ASTN2: variants seen among roughly 807,000 people sequenced by gnomAD.
The protein encoded by ASTN2 is astrotactin 2.
Under a neutral mutation model 139.8 loss-of-function variants are expected in ASTN2, and 54 were observed. The ratio of observed to expected loss-of-function variants is 0.39; its 90% CI spans 0.31 to 0.48. The LOEUF is 0.48. ASTN2 is among the 20% of genes least tolerant of loss of function. The probability of loss-of-function intolerance (pLI) is 0.95; values close to 1 mark genes in which losing one functional copy is unlikely to be tolerated. For synonymous variants in ASTN2, 756 were observed against 719.5 expected, an observed-to-expected ratio of 1.05 and a Z score of -0.81; for missense variants, 1,565 against 1,725.1, an observed-to-expected ratio of 0.91 and a Z score of 1.64.
At position 117,154,709 on chromosome 9, in the gene ASTN2, A is replaced by G. The variant is rs574498837; in HGVS notation, c.1016-13231T>C. 3.0e-4 allele frequency among the ~76,000 whole-genome samples: 46 copies of G among 152,212 alleles called. No homozygotes were observed. In the South Asian group the frequency reaches 6.2e-3, roughly 21 times the overall value. ...AAATGGTTAAAACATGTGAAAAATT[A>G]TTTTATTATTATATACATCAAGGTC... On this transcript the variant is annotated intron_variant, in intron 3 of 22. Transcript: ENST00000313400.
intron 19 of ASTN2, among the ~76,000 whole-genome samples, chr9:116,533,880 T>C (rs1851484141): frequency 1.3e-5 from 2 of 152,210 alleles, no homozygotes; most frequent in South Asian, 4.1e-4. Flanking sequence ...CCTCATAAAA[T>C]GAGTTAGGGA....
rs1278419183 is a variant in ASTN2 at position 116,439,341 on chromosome 9, CAG to C, written c.3782+1266_3782+1267del. On this transcript the variant is annotated intron_variant, in intron 22 of 22. Transcript: ENST00000313400. ...TCAGCCTCCCGAGTAGCTGGGACTA[CAG>C]GCGCCCGCCACTACGCCCGGCTAAT... Among the ~76,000 whole-genome samples, 754 of 142,750 alleles carry C rather than the reference CAG, an allele frequency of 5.3e-3. 40 individuals are homozygous for C. The highest frequency in any genetic ancestry group is 0.019 in the African/African-American group (709 of 37,278). The allele number at this position is 142,750 out of a possible 152,430, so 93.6% of individuals were successfully genotyped here.
chr9:116,928,395 T>G (rs939340137), intron 10 of ASTN2, among the ~76,000 whole-genome samples: 3 of 152,162 alleles, frequency 2.0e-5, no homozygotes, highest in Admixed American at 6.5e-5. Context: ...CTAAAAAAAT[T>G]CCACATATAG....
intron 20 of ASTN2, among the ~76,000 whole-genome samples, chr9:116,464,390 G>A (rs180918801): frequency 1.3e-5 from 2 of 150,864 alleles, no homozygotes; most frequent in African/African-American, 4.9e-5. Flanking sequence ...GAACACAATA[G>A]CATCATCTCT....
Position 117,369,264 on chromosome 9 carries a change from T to A in ASTN2, c.442+45233A>T, listed in dbSNP as rs1226360880. Among the ~76,000 whole-genome samples the A allele has an allele frequency of 2.0e-5, 3 of 152,166 alleles. No homozygotes were observed. In the South Asian group the frequency reaches 6.2e-4, roughly 32 times the overall value. The stretch of plus-strand genomic sequence containing the variant: ...CTCCATGTAACATGATTATAATGAT[T>A]CATTATATTTGGGTAGGTTTTGTAG... On this transcript the variant is annotated intron_variant, in intron 1 of 22. Coordinates refer to ENST00000313400, the MANE Select transcript of ASTN2 (RefSeq NM_001365068.1).
chr9:116,883,246 G>A (rs1833497994), intron 10 of ASTN2, among the ~76,000 whole-genome samples: 1 of 152,026 alleles, frequency 6.6e-6, no homozygotes, highest in Non-Finnish European at 1.5e-5. Context: ...TATGGAAAAA[G>A]TTTGTTATAA....
At chr9:116,838,267 G>A (rs1005518128) in intron 11 of ASTN2, among the ~76,000 whole-genome samples, 6 of 151,718 alleles carry the variant, frequency 4.0e-5, no homozygotes, top group African/African-American at 1.2e-4. Flanking sequence ...GCACCAACAC[G>A]CCTGGCTAAT....
chr9:117,153,708 C>G (rs1044542924), intron 3 of ASTN2, among the ~76,000 whole-genome samples: 1 of 152,110 alleles, frequency 6.6e-6, no homozygotes, highest in Non-Finnish European at 1.5e-5. Context: ...GTCCTCCTCA[C>G]AGCCACCTTT....
At chr9:116,831,122 T>C (rs539600466) in intron 11 of ASTN2, among the ~76,000 whole-genome samples, 53 of 152,248 alleles carry the variant, frequency 3.5e-4, no homozygotes, top group African/African-American at 1.3e-3. Flanking sequence ...TGTTCTCACT[T>C]GTAAGTGGGA....
chr9:116,662,531 C>G (rs570235028), intron 16 of ASTN2, among the ~76,000 whole-genome samples: 1 of 151,942 alleles, frequency 6.6e-6, no homozygotes, highest in Non-Finnish European at 1.5e-5. Context: ...AGAGATTGCA[C>G]CATTGCACTC....
intron 19 of ASTN2, among the ~76,000 whole-genome samples, chr9:116,495,385 G>A (rs1485630884): frequency 6.6e-6 from 1 of 152,134 alleles, no homozygotes; most frequent in Admixed American, 6.5e-5. Flanking sequence ...GCATGTGATC[G>A]ATGGCCAGCC....
chr9:116,832,575 A>G (rs10817941), intron 11 of ASTN2, among the ~76,000 whole-genome samples: 36,052 of 151,648 alleles, frequency 0.24, 4,907 homozygotes, highest in East Asian at 0.5. Flanking sequence ...CATTTTCGGT[A>G]TGGAATTTTG....
At chr9:117,318,295 G>C (rs1402577222) in intron 1 of ASTN2, among the ~76,000 whole-genome samples, 1 of 152,158 alleles carries the variant, frequency 6.6e-6, no homozygotes, top group Non-Finnish European at 1.5e-5. Context: ...TAAGTTTTGT[G>C]AGGACAGCAC....
intron 20 of ASTN2, among the ~76,000 whole-genome samples, chr9:116,479,808 C>T (rs1223649094): frequency 6.6e-6 from 1 of 152,086 alleles, no homozygotes; most frequent in African/African-American, 2.4e-5. Context: ...TATAAAAGAT[C>T]CCTGCCCACA....
At chr9:117,342,391 A>T (rs926553400) in intron 1 of ASTN2, among the ~76,000 whole-genome samples, 1 of 152,246 alleles carries the variant, frequency 6.6e-6, no homozygotes. Context: ...TTATGTGGCA[A>T]GGCTGGTGAA....
At chr9:116,782,547 G>C (rs1245768636) in intron 13 of ASTN2, among the ~76,000 whole-genome samples, 1 of 152,120 alleles carries the variant, frequency 6.6e-6, no homozygotes, top group Non-Finnish European at 1.5e-5. Context: ...ACCCACTCTG[G>C]ATGCTTAAGT....
At chr9:116,841,105 G>A (rs1832236614) in intron 11 of ASTN2, among the ~76,000 whole-genome samples, 2 of 152,352 alleles carry the variant, frequency 1.3e-5, no homozygotes, top group African/African-American at 4.8e-5. Flanking sequence ...CTGAATGAAC[G>A]AGACTCCGTC....
chr9:116,897,452 A>G (rs1833904816), intron 10 of ASTN2, among the ~76,000 whole-genome samples: 1 of 152,244 alleles, frequency 6.6e-6, no homozygotes, highest in Non-Finnish European at 1.5e-5. Context: ...AAAATGATAC[A>G]TGATGAGCAT....
chr9:117,106,010 C>A (rs986058276), intron 4 of ASTN2, among the ~76,000 whole-genome samples: 1 of 152,082 alleles, frequency 6.6e-6, no homozygotes, highest in African/African-American at 2.4e-5. Context: ...GAATATAGAA[C>A]CAATTCTGGA....
Sources: allele counts gnomAD v4.1 joint callset (sites outside exome capture counted in the v4.1 genomes callset), GRCh38; gene constraint gnomAD v4.1.1; transcripts MANE v1.5; gene names NCBI Gene and HGNC (gene_info 2026-07-23, HGNC 2026-07-21).